Variants in TMEM178B observed in about 807,000 individuals in gnomAD.
TMEM178B encodes the protein transmembrane protein 178B.
TMEM178B carries 5 observed loss-of-function variants against 31.0 expected under a neutral mutation model. The observed-to-expected ratio is 0.16, with a 90% confidence interval of 0.08 to 0.34. The LOEUF is 0.34. TMEM178B is among the 10% of genes least tolerant of loss of function. The pLI is 1.00. For synonymous variants in TMEM178B, 164 were observed against 164.0 expected, an observed-to-expected ratio of 1.00 and a Z score of 0.00; for missense variants, 275 against 400.3, an observed-to-expected ratio of 0.69 and a Z score of 2.67.
intron 1 of TMEM178B, among the ~76,000 whole-genome samples, chr7:141,122,177 A>C (rs1795418656): frequency 6.6e-6 from 1 of 152,228 alleles, no homozygotes; most frequent in African/African-American, 2.4e-5. Context: ...TAAATAAATA[A>C]GACTTTTGCT....
At chr7:141,229,011 ATCTTTT>A (rs1353967559) in intron 2 of TMEM178B, among the ~76,000 whole-genome samples, 1 of 85,478 alleles carries the variant, frequency 1.2e-5, no homozygotes, top group Non-Finnish European at 2.1e-5. Context: ...AGTCAGTACT[ATCTTTT>A]TTTTTTTTTT....
chr7:141,457,794 G>A (rs1801992886), intron 3 of TMEM178B, among the ~76,000 whole-genome samples: 1 of 152,206 alleles, frequency 6.6e-6, no homozygotes, highest in African/African-American at 2.4e-5. Context: ...CCATCAGTGT[G>A]GAGGAATGGT....
intron 1 of TMEM178B, among the ~76,000 whole-genome samples, chr7:141,096,872 G>A (rs1237568988): frequency 3.9e-5 from 6 of 152,044 alleles, no homozygotes; most frequent in South Asian, 2.1e-4. Context: ...AGGATCACTC[G>A]AGCCCAGGAG....
At chr7:141,410,897 C>T (rs866223109) in intron 2 of TMEM178B, among the ~76,000 whole-genome samples, 3 of 152,094 alleles carry the variant, frequency 2.0e-5, no homozygotes, top group Non-Finnish European at 4.4e-5. Flanking sequence ...CCTGAAATTC[C>T]GATGCATGCT....
intron 1 of TMEM178B, among the ~76,000 whole-genome samples, chr7:141,151,832 C>T (rs773351819): frequency 2.0e-5 from 3 of 152,176 alleles, no homozygotes; most frequent in Non-Finnish European, 2.9e-5. Context: ...GGGTGTGAGT[C>T]AGCTACAGGG....
intron 3 of TMEM178B, among the ~76,000 whole-genome samples, chr7:141,447,694 CTG>C (rs1376735668): frequency 6.6e-6 from 1 of 152,132 alleles, no homozygotes; most frequent in Non-Finnish European, 1.5e-5. Context: ...GAGTGGGGTG[CTG>C]TGTCTGTCCA....
chr7:141,292,659 A>G (rs1159148553), intron 2 of TMEM178B, among the ~76,000 whole-genome samples: 3 of 101,872 alleles, frequency 2.9e-5, no homozygotes, highest in African/African-American at 1.2e-4. Context: ...TTTTTTTGAG[A>G]TGGAGTCTCG....
rs192826877 is a variant in TMEM178B at position 141,422,857 on chromosome 7, G to A, written c.497-14751G>A. On this transcript the variant is annotated intron_variant, in intron 2 of 3. Transcript: ENST00000565468. This position sits in a 1 kb window ranked among gnomAD's most constrained non-coding sequence, Gnocchi z 4.2. The stretch of plus-strand genomic sequence containing the variant: ...TTGTTATATGTAAACTGAAGGCGGC[G>A]AGAGCACTATGAGTTGCAGAACTAG... Among the ~76,000 whole-genome samples the A allele has an allele frequency of 2.6e-5, 4 of 152,182 alleles. No individual in the cohort carries two copies. The highest frequency in any genetic ancestry group is 2.0e-4 in the Admixed American group (3 of 15,292).
In TMEM178B at chr7:141,149,688, C is replaced by T. The variant is rs564905286; in HGVS notation, c.383-62903C>T. ...CAGATACAGAGACCCCTGGGGAGAACGCCTTATGATGACTGAGGCAGAGAA... is the reference window on the plus strand; with the variant it reads ...CAGATACAGAGACCCCTGGGGAGAATGCCTTATGATGACTGAGGCAGAGAA... On this transcript the variant is annotated intron_variant, in intron 1 of 3. Transcript: ENST00000565468. 5.3e-5 allele frequency among the ~76,000 whole-genome samples: 8 copies of T among 152,232 alleles called. 1 individual carries two copies. The highest frequency in any genetic ancestry group is 4.1e-4 in the South Asian group (2 of 4,830).
intron 2 of TMEM178B, among the ~76,000 whole-genome samples, chr7:141,215,830 CTTTCTTTCTTT>C (rs1797130529): frequency 2.6e-5 from 1 of 38,146 alleles, no homozygotes; most frequent in East Asian, 1.1e-3. Flanking sequence ...TTCTTTCTTT[CTTTCTTTCTTT>C]TCTTTTCTTT....
intron 2 of TMEM178B, among the ~76,000 whole-genome samples, chr7:141,250,078 A>G (rs1797805457): frequency 6.6e-6 from 1 of 152,114 alleles, no homozygotes; most frequent in South Asian, 2.1e-4. Context: ...AAAAATAACT[A>G]ATTTTTTTTT....
At chr7:141,223,660 T>C (rs540998196) in intron 2 of TMEM178B, among the ~76,000 whole-genome samples, 53 of 152,210 alleles carry the variant, frequency 3.5e-4, no homozygotes, top group African/African-American at 1.3e-3. Flanking sequence ...ATTGAAAGCC[T>C]AGTGGTACTT....
chr7:141,259,071 C>T (rs552408387), intron 2 of TMEM178B, among the ~76,000 whole-genome samples: 2 of 152,264 alleles, frequency 1.3e-5, no homozygotes, highest in African/African-American at 4.8e-5. Flanking sequence ...TCTCTCTCTT[C>T]TTGTCTTCTG....
chr7:141,300,264 A>C (rs1157012902), intron 2 of TMEM178B, among the ~76,000 whole-genome samples: 1 of 152,088 alleles, frequency 6.6e-6, no homozygotes, highest in African/African-American at 2.4e-5. Flanking sequence ...TGCCTGCCCC[A>C]CTGGCAGGCA....
intron 2 of TMEM178B, among the ~76,000 whole-genome samples, chr7:141,315,230 C>G (rs562772820): frequency 6.6e-6 from 1 of 152,356 alleles, no homozygotes; most frequent in East Asian, 1.9e-4. Flanking sequence ...TGTTGCACCT[C>G]TGTCAGATAG....
intron 2 of TMEM178B, among the ~76,000 whole-genome samples, chr7:141,337,462 T>C (rs1799444527): frequency 6.6e-6 from 1 of 152,120 alleles, no homozygotes; most frequent in Non-Finnish European, 1.5e-5. Flanking sequence ...TTACATGTAA[T>C]TTACTCAGGT....
chr7:141,291,733 G>C (rs1025657701), intron 2 of TMEM178B, among the ~76,000 whole-genome samples: 1 of 151,864 alleles, frequency 6.6e-6, no homozygotes, highest in Non-Finnish European at 1.5e-5. Context: ...GACAACAAAC[G>C]CCTTTTGGTC....
chr7:141,133,943 A>G (rs1795634289), intron 1 of TMEM178B, among the ~76,000 whole-genome samples: 1 of 152,258 alleles, frequency 6.6e-6, no homozygotes, highest in Non-Finnish European at 1.5e-5. Context: ...TATATTCAAA[A>G]TGTTGAAAGA....
intron 1 of TMEM178B, among the ~76,000 whole-genome samples, chr7:141,122,630 G>A (rs111638169): frequency 3.2e-4 from 48 of 152,268 alleles, no homozygotes; most frequent in African/African-American, 1.0e-3. Flanking sequence ...TGGAGACTGT[G>A]GGCCTAACTT....
Sources: gnomAD v4.1 joint callset for allele counts (sites outside exome capture counted in the v4.1 genomes callset) on GRCh38, gnomAD v4.1.1 for gene constraint, Gnocchi (gnomAD v3.1) non-coding constraint, MANE v1.5 for transcripts, NCBI Gene and HGNC (gene_info 2026-07-23, HGNC 2026-07-21) for gene names.